Variants in NFASC observed in about 807,000 individuals in gnomAD.
NFASC encodes the protein neurofascin homolog.
A neutral mutation model predicts 147.5 loss-of-function variants in NFASC; 43 were observed. That is an observed-to-expected ratio of 0.29 (90% CI 0.23 to 0.38). The LOEUF is 0.38. Among genes scored for constraint, NFASC ranks in the 10% least tolerant of loss-of-function variants. NFASC has a pLI of 1.00. For missense variants in NFASC, 1,320 were observed against 1,689.0 expected (o/e 0.78, Z 3.83); for synonymous variants, 622 against 665.5 (o/e 0.93, Z 1.01).
At chr1:204,896,913 GA>G (rs2149121013) in intron 1 of NFASC, among the ~76,000 whole-genome samples, 1 of 152,324 alleles carries the variant, frequency 6.6e-6, no homozygotes, top group South Asian at 2.1e-4. Context: ...GATAGGGCAA[GA>G]AGCAGCCCGG....
rs1475937304 is a variant in NFASC, at chr1:204,906,884, C to T, written c.-199-13748C>T. Among the ~76,000 whole-genome samples the T allele has an allele frequency of 5.9e-5, 9 of 152,222 alleles. No individual in the cohort carries two copies. The East Asian group carries it at 1.7e-3, about 29-fold the overall frequency. Reference sequence around the variant, plus strand: ...ATTTTTAGTAGAGACGGGGTTTCACCATGTTAGCCAGGATGGTCTGCATCT... The same window carrying T: ...ATTTTTAGTAGAGACGGGGTTTCACTATGTTAGCCAGGATGGTCTGCATCT... On this transcript the variant is annotated intron_variant, in intron 1 of 29. Coordinates refer to ENST00000339876, the MANE Select transcript of NFASC (RefSeq NM_001005388.3).
intron 1 of NFASC, among the ~76,000 whole-genome samples, chr1:204,852,342 T>C (rs57190011): frequency 0.038 from 5,756 of 152,020 alleles, 307 homozygotes; most frequent in African/African-American, 0.12. Flanking sequence ...CTACTAAAAA[T>C]AGAAAAAATT....
At chr1:204,893,072 A>T (rs1306023215) in intron 1 of NFASC, among the ~76,000 whole-genome samples, 1 of 152,242 alleles carries the variant, frequency 6.6e-6, no homozygotes. Context: ...AATGTAAGGG[A>T]TAGAGTAAAT....
Position 204,975,489 on chromosome 1 carries a change from C to A in NFASC, c.1706+71C>A. On this transcript the variant is annotated intron_variant, in intron 15 of 29. Transcript: ENST00000339876. The surrounding 1 kb of genome is among the most constrained non-coding windows in gnomAD (Gnocchi z 4.0). ...TTTTCTTTTCCCTTGCTGTTGGTGA[C>A]ACATGGAAGAACACAGGGACAGGGA... 6.4e-7 allele frequency: 1 copy of A among 1,550,974 alleles called. No homozygotes were observed. The highest frequency in any genetic ancestry group is 1.2e-5 in the South Asian group (1 of 83,148).
intron 1 of NFASC, among the ~76,000 whole-genome samples, chr1:204,912,503 C>G (rs2087841489): frequency 6.6e-6 from 1 of 151,528 alleles, no homozygotes; most frequent in South Asian, 2.1e-4. Context: ...TCAAGACCAG[C>G]CTGGGCAACA....
chr1:204,904,806 C>T (rs1476088933), intron 1 of NFASC, among the ~76,000 whole-genome samples: 1 of 152,172 alleles, frequency 6.6e-6, no homozygotes, highest in Non-Finnish European at 1.5e-5. Context: ...GACTCACTCT[C>T]ATCATTGGTC....
intron 1 of NFASC, among the ~76,000 whole-genome samples, chr1:204,916,464 A>G (rs1461476811): frequency 2.0e-5 from 3 of 152,236 alleles, no homozygotes; most frequent in African/African-American, 4.8e-5. Flanking sequence ...TTTGATCTCT[A>G]CAGCAATCCT....
chr1:204,975,494 G>C lies in NFASC; in HGVS notation c.1706+76G>C. On this transcript the variant is annotated intron_variant, in intron 15 of 29. Transcript: ENST00000339876. The surrounding 1 kb of genome is among the most constrained non-coding windows in gnomAD (Gnocchi z 4.0). Reference sequence around the variant, plus strand: ...TTTTCCCTTGCTGTTGGTGACACATGGAAGAACACAGGGACAGGGAACCCG... The same window carrying C: ...TTTTCCCTTGCTGTTGGTGACACATCGAAGAACACAGGGACAGGGAACCCG... The C allele has an allele frequency of 6.5e-7, 1 of 1,542,466 alleles. No individual in the cohort carries two copies. The highest frequency in any genetic ancestry group is 1.8e-5 in the Admixed American group (1 of 57,138).
At chr1:204,870,026 T>G (rs2802849) in intron 1 of NFASC, among the ~76,000 whole-genome samples, 59,284 of 152,136 alleles carry the variant, frequency 0.39, 18,978 homozygotes, top group African/African-American at 0.84. Flanking sequence ...CTTCTGGGAA[T>G]GCTGTTATCA....
In NFASC at chr1:204,980,342, CT is replaced by C. The variant is rs768271298; in HGVS notation, c.2177-26del. On this transcript the variant is annotated intron_variant, in intron 19 of 29. Coordinates refer to ENST00000339876, the MANE Select transcript of NFASC (RefSeq NM_001005388.3). ...TTGCCCTGGAAAGGCACAAATTGGA[CT>C]TGAGCCTGTGTCTGTTTGGGTTCCA... is the stretch of plus-strand genomic sequence containing the variant. 11 of 1,600,580 alleles carry C rather than the reference CT, an allele frequency of 6.9e-6. No homozygotes were observed. In the South Asian group the frequency reaches 1.2e-4, roughly 18 times the overall value.
intron 8 of NFASC, among the ~76,000 whole-genome samples, chr1:204,963,689 G>A (rs1040313567): frequency 2.6e-5 from 4 of 152,202 alleles, no homozygotes; most frequent in African/African-American, 4.8e-5. Flanking sequence ...AGGGTAGGAC[G>A]GAGCTGACCC....
chr1:204,877,456 G>C (rs2079253818), intron 1 of NFASC, among the ~76,000 whole-genome samples: 1 of 151,990 alleles, frequency 6.6e-6, no homozygotes, highest in South Asian at 2.1e-4. Flanking sequence ...GTTGAAATCG[G>C]GGGTGGATCA....
At chr1:205,009,720 G>A (rs1416043167) in intron 28 of NFASC, 32 bp downstream of exon 28, 2 of 1,605,246 alleles carry the variant, frequency 1.2e-6, no homozygotes, top group Non-Finnish European at 1.7e-6. Context: ...GGCTTGCAGG[G>A]TGGGGCACGT....
intron 8 of NFASC, among the ~76,000 whole-genome samples, chr1:204,965,655 A>G (rs1307332309): frequency 6.6e-6 from 1 of 152,220 alleles, no homozygotes; most frequent in Non-Finnish European, 1.5e-5. Context: ...ATAGTAAAAC[A>G]TAGTGGAAGA....
chr1:204,998,508 A>G (rs2095897905), intron 25 of NFASC: 1 of 152,190 alleles, frequency 6.6e-6, no homozygotes, highest in South Asian at 2.1e-4. Flanking sequence ...TTTCAGTTCA[A>G]TGACATAGAG....
At chr1:204,906,964 C>T (rs2086139977) in intron 1 of NFASC, among the ~76,000 whole-genome samples, 1 of 152,122 alleles carries the variant, frequency 6.6e-6, no homozygotes, top group Non-Finnish European at 1.5e-5. Context: ...ATTGTCATTT[C>T]TCTGGAGTAC....
intron 1 of NFASC, among the ~76,000 whole-genome samples, chr1:204,901,829 G>A (rs1045504724): frequency 2.0e-5 from 3 of 152,056 alleles, no homozygotes; most frequent in East Asian, 1.9e-4. Flanking sequence ...TTGCCCCAGA[G>A]CACTGTCCCT....
intron 2 of NFASC, among the ~76,000 whole-genome samples, chr1:204,927,437 TAC>T (rs908022521): frequency 3.3e-5 from 5 of 152,158 alleles, no homozygotes; most frequent in African/African-American, 1.2e-4. Flanking sequence ...TGTGTAGATA[TAC>T]TGCATTTTGC....
intron 1 of NFASC, chr1:204,870,991 G>C (rs769951685): frequency 2.0e-4 from 256 of 1,288,846 alleles, no homozygotes; most frequent in Non-Finnish European, 2.4e-4. Flanking sequence ...GAAATGCCTA[G>C]CTTCCCTCCC....
Sources: allele counts gnomAD v4.1 joint callset (sites outside exome capture counted in the v4.1 genomes callset), GRCh38; gene constraint gnomAD v4.1.1; non-coding constraint Gnocchi (gnomAD v3.1); transcripts MANE v1.5; gene names NCBI Gene and HGNC (gene_info 2026-07-23, HGNC 2026-07-21).